FRMPD3: variants seen among roughly 807,000 people sequenced by gnomAD.
FRMPD3 encodes the protein FERM and PDZ domain-containing protein 3.
A neutral mutation model predicts 97.9 loss-of-function variants in FRMPD3; 42 were observed. The observed-to-expected ratio is 0.43, with a 90% CI of 0.34 to 0.55. The LOEUF (loss-of-function observed/expected upper bound fraction) is 0.55. Ranked by LOEUF, FRMPD3 falls within the 20% of genes least tolerant of loss-of-function variation. The probability of loss-of-function intolerance (pLI) is 0.03; values close to 1 mark genes in which losing one functional copy is unlikely to be tolerated. For missense variants in FRMPD3, 1,303 were observed against 1,457.7 expected (o/e 0.89, Z 1.73); for synonymous variants, 577 against 581.1 (o/e 0.99, Z 0.10).
intron 1 of FRMPD3, among the ~76,000 whole-genome samples, chrX:107,451,109 C>T (rs763065145): frequency 8.9e-6 from 1 of 112,273 alleles, no homozygotes; most frequent in South Asian, 3.7e-4. Flanking sequence ...ACCCTTGCAG[C>T]TGCAACTAAA....
At chrX:107,486,332 C>A (rs1921503789) in intron 1 of FRMPD3, among the ~76,000 whole-genome samples, 1 of 112,634 alleles carries the variant, frequency 8.9e-6, no homozygotes, top group African/African-American at 3.2e-5. Flanking sequence ...CCACAGGTCC[C>A]TTCTGACCAC....
At position 107,602,182 on chromosome X, in the gene FRMPD3, G is replaced by A; in HGVS notation, c.4143G>A (p.Glu1381=). Residue 1381 remains glutamate (E), a synonymous_variant, in exon 15 of 15, where the codon GAG becomes GAA. Coordinates refer to ENST00000683843, the MANE Select transcript of FRMPD3 (RefSeq NM_001388459.1). Reference sequence around the variant, plus strand: ...TGACCACGTGTGCCTCGGGGGGCGAGTGTCTGGGAGCTCCCAATTACAGGA... The same window carrying A: ...TGACCACGTGTGCCTCGGGGGGCGAATGTCTGGGAGCTCCCAATTACAGGA... ...SCLTTCASGG[E]CLGAPNYRKL... 4 of 1,210,935 alleles carry A rather than the reference G, an allele frequency of 3.3e-6. No homozygotes were observed. The highest frequency in any genetic ancestry group is 3.4e-6 in the Non-Finnish European group (3 of 895,393).
At chrX:107,486,892 A>G (rs1161991657) in intron 1 of FRMPD3, among the ~76,000 whole-genome samples, 1 of 110,932 alleles carries the variant, frequency 9.0e-6, no homozygotes, top group Non-Finnish European at 1.9e-5. Context: ...TTGTCTAAGG[A>G]AAGTTTTCAT....
chrX:107,483,372 T>C (rs988837783), intron 1 of FRMPD3, among the ~76,000 whole-genome samples: 4 of 112,708 alleles, frequency 3.5e-5, no homozygotes, highest in African/African-American at 1.3e-4. Flanking sequence ...AGTAGACTAC[T>C]GCCATCAGCC....
At position 107,603,153 on chromosome X, in the gene FRMPD3, G is replaced by A. The variant is rs774472378; in HGVS notation, c.5114G>A (p.Arg1705His). The A allele has an allele frequency of 5.2e-5, 60 of 1,148,001 alleles. No homozygotes were observed. Among genetic ancestry groups the A allele is most frequent in the Middle Eastern group, 2.4e-4 (1 of 4,232 alleles). The allele number at this position is 1,148,001 out of a possible 1,213,427, so 94.6% of individuals were successfully genotyped here. A position where few individuals can be genotyped will look rare whatever the true frequency, so the allele number is the denominator to read the frequency against. Reference sequence around the variant, plus strand: ...GTGAGGAACTACACCTTCCTGCTGCGTGCAGCTGAGGAGTCCACAGCCCGT... The same window carrying A: ...GTGAGGAACTACACCTTCCTGCTGCATGCAGCTGAGGAGTCCACAGCCCGT... ...EVVRNYTFLL[R>H]AAEESTARNL... Residue 1705 changes from arginine to histidine, a missense_variant, in exon 15 of 15, where the codon CGT (arginine) becomes CAT (histidine). By Grantham distance (29) the Arg-to-His change is conservative. Transcript: ENST00000683843.
intron 13 of FRMPD3, among the ~76,000 whole-genome samples, chrX:107,589,234 A>G (rs376325773): frequency 9.2e-6 from 1 of 108,832 alleles, no homozygotes; most frequent in Non-Finnish European, 1.9e-5. Context: ...CGATCTTTGA[A>G]GCCTCAAAGA....
At chrX:107,563,345 T>C (rs1457298702) in intron 11 of FRMPD3, 145 bp downstream of exon 11, 1 of 442,018 alleles carries the variant, frequency 2.3e-6, no homozygotes, top group Admixed American at 4.3e-5. Context: ...TGGCCCTGCC[T>C]CTGCCAAAAT....
At chrX:107,536,968 CAA>C (rs1365028789) in intron 4 of FRMPD3, among the ~76,000 whole-genome samples, 1 of 111,031 alleles carries the variant, frequency 9.0e-6, no homozygotes, top group Admixed American at 9.6e-5. Context: ...AAACAAAACT[CAA>C]GTGTCCAAAC....
At chrX:107,480,758 G>A (rs1274864727) in intron 1 of FRMPD3, among the ~76,000 whole-genome samples, 1 of 104,570 alleles carries the variant, frequency 9.6e-6, no homozygotes, top group Non-Finnish European at 2.0e-5. Context: ...GAACCCGGGG[G>A]GCGGAGGTTG....
chrX:107,450,964 A>G lies in FRMPD3; in HGVS notation c.-8+959A>G, dbSNP rs187643371. 5.7e-3 allele frequency among the ~76,000 whole-genome samples: 613 copies of G among 107,165 alleles called. 5 individuals are homozygous for G. The highest frequency in any genetic ancestry group is 0.019 in the Middle Eastern group (4 of 207). 93.1% of individuals were successfully genotyped at this position (107,165 alleles called of 115,157 possible). ...CCCATTCTGGCAAAAAGCGTGCCCA[A>G]CTCTGGTAGTCATACCCTCCACGCT... On this transcript the variant is annotated intron_variant, in intron 1 of 14. Coordinates refer to ENST00000683843, the MANE Select transcript of FRMPD3 (RefSeq NM_001388459.1).
intron 13 of FRMPD3, 61 bp from the exon 14 acceptor site, chrX:107,597,259 AG>A: frequency 2.0e-6 from 2 of 987,746 alleles, no homozygotes. Flanking sequence ...AGAGACAACA[AG>A]GGAGCTCATT....
chrX:107,560,709 C>T lies in FRMPD3; in HGVS notation c.900-18C>T. Reference sequence around the variant, plus strand: ...CTTTGCCTCTCTCACTAATCTCTTACTTTTCTTCTGCTTTTAGGAAGGAGT... The same window carrying T: ...CTTTGCCTCTCTCACTAATCTCTTATTTTTCTTCTGCTTTTAGGAAGGAGT... On this transcript the variant is annotated intron_variant, in intron 9 of 14. Coordinates refer to ENST00000683843, the MANE Select transcript of FRMPD3 (RefSeq NM_001388459.1). 1 of 1,157,940 alleles carries T rather than the reference C, an allele frequency of 8.6e-7. No homozygotes were observed. Among genetic ancestry groups the T allele is most frequent in the Non-Finnish European group, 1.2e-6 (1 of 869,200 alleles).
At chrX:107,520,485 C>CAA (rs367762365) in intron 1 of FRMPD3, among the ~76,000 whole-genome samples, 9 of 92,142 alleles carry the variant, frequency 9.8e-5, no homozygotes, top group African/African-American at 3.2e-4. Context: ...ACTAAAAATA[C>CAA]AAAAAAAAAA....
intron 12 of FRMPD3, among the ~76,000 whole-genome samples, chrX:107,574,134 G>A: frequency 8.9e-6 from 1 of 112,302 alleles, no homozygotes; most frequent in Middle Eastern, 4.6e-3. Context: ...GAATACAGTT[G>A]TTTCTAGCTG....
rs1602871412 is a variant in FRMPD3, at chrX:107,601,031, A to C, written c.2992A>C (p.Met998Leu). The C allele has an allele frequency of 8.3e-7, 1 of 1,206,561 alleles. No individual in the cohort carries two copies. The highest frequency in any genetic ancestry group is 2.2e-5 in the Admixed American group (1 of 45,525). The change falls in exon 15 of 15, where the codon ATG (methionine) becomes CTG (leucine). Residue 998 changes from methionine (M) to leucine (L), a missense_variant. Physicochemically the swap from Met to Leu is conservative, Grantham distance 15 (BLOSUM62 2). This residue lies in a region of FRMPD3 where 764 missense variants were observed against 820.2 expected (regional missense o/e 0.93). Transcript: ENST00000683843. ...EASMGRPEVS[M>L]MSSSASKNLK... is the part of the protein sequence containing the mutation. ...CAGCATGGGGAGGCCAGAGGTTAGC[A>C]TGATGAGCAGCAGTGCCAGTAAGAA...
intron 1 of FRMPD3, among the ~76,000 whole-genome samples, chrX:107,470,379 G>A (rs1306843947): frequency 8.9e-6 from 1 of 112,058 alleles, no homozygotes; most frequent in Non-Finnish European, 1.9e-5. Context: ...ACTCACTCAT[G>A]TGGTGCTGGC....
intron 4 of FRMPD3, among the ~76,000 whole-genome samples, chrX:107,539,963 A>G (rs1921215799): frequency 9.0e-6 from 1 of 111,616 alleles, no homozygotes; most frequent in Non-Finnish European, 1.9e-5. Context: ...TAGCTAGTCA[A>G]AGGGACACTC....
intron 1 of FRMPD3, among the ~76,000 whole-genome samples, chrX:107,493,936 GC>G (rs1921720045): frequency 9.0e-6 from 1 of 111,542 alleles, no homozygotes; most frequent in African/African-American, 3.3e-5. Context: ...CCATGCACAA[GC>G]TCAAGAAAGC....
At chrX:107,576,603 C>A in intron 13 of FRMPD3, 144 bp downstream of exon 13, 1 of 610,863 alleles carries the variant, frequency 1.6e-6, no homozygotes, top group Non-Finnish European at 2.5e-6. Flanking sequence ...ACCACTATAT[C>A]CTAGCTGGCA....
Sources: allele counts gnomAD v4.1 joint callset (sites outside exome capture counted in the v4.1 genomes callset), GRCh38; gene constraint gnomAD v4.1.1; regional missense constraint gnomAD v4.1.1; transcripts MANE v1.5; gene names NCBI Gene and HGNC (gene_info 2026-07-23, HGNC 2026-07-21).